GLIS3: variants seen among roughly 807,000 people sequenced by gnomAD.
The protein encoded by GLIS3 is GLIS family zinc finger 3.
In GLIS3, 53 loss-of-function variants were observed where a neutral mutation model predicts 78.6. The observed-to-expected ratio is 0.67, with a 90% CI of 0.54 to 0.85. The LOEUF (loss-of-function observed/expected upper bound fraction) is 0.85, where lower values mean the gene tolerates loss of function less well. Among genes scored for constraint, GLIS3 ranks in the 40% least tolerant of loss-of-function variants. GLIS3 has a pLI of 0.00. For missense variants in GLIS3, 1,703 were observed against 1,231.1 expected (o/e 1.38, Z -5.74); for synonymous variants, 684 against 509.9 (o/e 1.34, Z -4.60).
At chr9:4,145,827 T>C (rs548977726) in intron 2 of GLIS3, among the ~76,000 whole-genome samples, 13 of 151,934 alleles carry the variant, frequency 8.6e-5, no homozygotes, top group African/African-American at 2.9e-4. Flanking sequence ...GAGAGAGTAA[T>C]CTTCTCTGGG....
chr9:4,371,414 G>C, the GLIS3 span, among the ~76,000 whole-genome samples: 1 of 152,198 alleles, frequency 6.6e-6, no homozygotes, highest in South Asian at 2.1e-4. Flanking sequence ...CCCCATAAGT[G>C]CTAAGCCTTT....
chr9:4,230,271 G>T (rs1822138626), intron 2 of GLIS3, among the ~76,000 whole-genome samples: 1 of 152,188 alleles, frequency 6.6e-6, no homozygotes, highest in Non-Finnish European at 1.5e-5. Context: ...CAGAAATAAA[G>T]AAAGTGGGGC....
chr9:4,375,764 C>G, the GLIS3 span, among the ~76,000 whole-genome samples: 1 of 152,096 alleles, frequency 6.6e-6, no homozygotes, highest in African/African-American at 2.4e-5. Context: ...ACAGTCAGTG[C>G]GAGTGGGAAA....
chr9:4,001,299 T>C (rs768462997), intron 4 of GLIS3, among the ~76,000 whole-genome samples: 6 of 152,210 alleles, frequency 3.9e-5, no homozygotes, highest in Non-Finnish European at 7.4e-5. Flanking sequence ...CAATGGCTTT[T>C]ATCCATTATT....
chr9:4,143,113 C>G (rs368511159), intron 2 of GLIS3, among the ~76,000 whole-genome samples: 3 of 151,938 alleles, frequency 2.0e-5, no homozygotes, highest in African/African-American at 7.3e-5. Flanking sequence ...CAAGCAGAAA[C>G]TGTGTAAATG....
intron 2 of GLIS3, among the ~76,000 whole-genome samples, chr9:4,343,169 T>A (rs1817858507): frequency 2.1e-5 from 1 of 47,506 alleles, no homozygotes; most frequent in Non-Finnish European, 4.6e-5. Context: ...CAAGACCTCA[T>A]CTCTTCAAAA....
rs367668861 is a variant in GLIS3 at position 4,290,377 on chromosome 9, G to A, written c.-98-3854C>T. ...TATCTGTCTAAGCCATCTACAATAA[G>A]AGTTTTTATTGATCCTTTTTATTTT... On this transcript the variant is annotated intron_variant, in intron 1 of 10. Transcript: ENST00000381971. 3.9e-5 allele frequency among the ~76,000 whole-genome samples: 6 copies of A among 152,072 alleles called. No individual in the cohort carries two copies. In the East Asian group the frequency reaches 9.6e-4, roughly 24 times the overall value.
the GLIS3 span, among the ~76,000 whole-genome samples, chr9:4,364,748 A>G: frequency 1.6e-3 from 105 of 64,472 alleles, 1 homozygote; most frequent in African/African-American, 4.8e-3. Flanking sequence ...TGCTGTCATC[A>G]TGTATTGCTT....
chr9:4,439,263 C>A, the GLIS3 span, among the ~76,000 whole-genome samples: 1 of 152,110 alleles, frequency 6.6e-6, no homozygotes, highest in East Asian at 1.9e-4. Context: ...AGATATAATT[C>A]ACGTATCATA....
chr9:4,385,805 G>GA, the GLIS3 span, among the ~76,000 whole-genome samples: 7 of 60,514 alleles, frequency 1.2e-4, no homozygotes, highest in Admixed American at 1.1e-3. Context: ...AAGAAAGAAA[G>GA]AAAGAAAAGA....
chr9:3,844,202 G>A (rs939427350), intron 9 of GLIS3, among the ~76,000 whole-genome samples: 5 of 152,142 alleles, frequency 3.3e-5, no homozygotes, highest in African/African-American at 9.7e-5. Flanking sequence ...GAGTGGCCTC[G>A]CTACCAGCAA....
chr9:4,392,155 C>A, the GLIS3 span, among the ~76,000 whole-genome samples: 2 of 151,934 alleles, frequency 1.3e-5, no homozygotes, highest in African/African-American at 4.8e-5. Context: ...GAACAGAAAA[C>A]CAACCAGCAC....
intron 8 of GLIS3, among the ~76,000 whole-genome samples, chr9:3,872,711 T>C (rs996873195): frequency 6.6e-6 from 1 of 152,202 alleles, no homozygotes; most frequent in African/African-American, 2.4e-5. Context: ...CAATTCAAGA[T>C]GAGATTTGGG....
At chr9:4,335,177 G>T (rs1184878415) in intron 2 of GLIS3, among the ~76,000 whole-genome samples, 3 of 151,966 alleles carry the variant, frequency 2.0e-5, no homozygotes, top group Non-Finnish European at 2.9e-5. Context: ...CAAAGTGCTG[G>T]GATTACAGGC....
chr9:4,283,969 G>A (rs1253029826), intron 2 of GLIS3, among the ~76,000 whole-genome samples: 3 of 152,214 alleles, frequency 2.0e-5, no homozygotes, highest in African/African-American at 7.2e-5. Context: ...GAAACAAAAA[G>A]CCACAGGGAA....
chr9:3,919,131 T>G (rs941901993), intron 6 of GLIS3, among the ~76,000 whole-genome samples: 5 of 151,908 alleles, frequency 3.3e-5, no homozygotes, highest in African/African-American at 9.7e-5. Flanking sequence ...CAATTTTCAA[T>G]TAGGTACTCC....
At chr9:4,303,291 G>A (rs988897029), upstream of GLIS3, among the ~76,000 whole-genome samples, 52 of 87,822 alleles carry the variant, frequency 5.9e-4, no homozygotes, top group Middle Eastern at 5.4e-3. Context: ...ACACACACAC[G>A]AGCTGGCAAC....
chr9:4,413,154 T>G, the GLIS3 span, among the ~76,000 whole-genome samples: 1 of 152,180 alleles, frequency 6.6e-6, no homozygotes, highest in Non-Finnish European at 1.5e-5. Context: ...CCAAATAGAG[T>G]AAGACATGGT....
intron 2 of GLIS3, among the ~76,000 whole-genome samples, chr9:4,133,874 A>ACACACACACCCC (rs768664577): frequency 3.1e-4 from 38 of 123,986 alleles, no homozygotes; most frequent in Admixed American, 1.4e-3. Context: ...ACACACACAC[A>ACACACACACCCC]CCGTACATCT....
Sources: allele counts gnomAD v4.1 joint callset (sites outside exome capture counted in the v4.1 genomes callset), GRCh38; gene constraint gnomAD v4.1.1; transcripts MANE v1.5; gene names NCBI Gene and HGNC (gene_info 2026-07-23, HGNC 2026-07-21).